Variants in TNFRSF25 observed in about 807,000 individuals in gnomAD.
TNFRSF25 encodes the protein tumor necrosis factor receptor superfamily member 25.
A neutral mutation model predicts 49.4 loss-of-function variants in TNFRSF25; 28 were observed. The observed-to-expected ratio is 0.57, with a 90% CI of 0.42 to 0.78. The LOEUF (loss-of-function observed/expected upper bound fraction) is 0.78, where lower values mean the gene tolerates loss of function less well. Among genes scored for constraint, TNFRSF25 ranks in the 30% least tolerant of loss-of-function variants. The pLI, the probability that TNFRSF25 is intolerant of heterozygous loss-of-function variation, is 0.00. For missense variants in TNFRSF25, 531 were observed against 581.6 expected (o/e 0.91, Z 0.90); for synonymous variants, 240 against 234.2 (o/e 1.02, Z -0.23).
chr1:6,464,438 G>T lies in TNFRSF25; in HGVS notation c.479C>A (p.Thr160Asn). The change falls in exon 5 of 10, where the codon ACT becomes AAT. Residue 160 changes from threonine to asparagine, a missense_variant. By Grantham distance (65) the Thr-to-Asn change is moderately conservative. Coordinates refer to ENST00000356876, the MANE Select transcript of TNFRSF25 (RefSeq NM_003790.3). Reference sequence around the variant, plus strand: ...GCCAGGCAGGCAGGTCCCACAGTCAGTATCTCTGCGGGAACCTGCAATCCA... The same window carrying T: ...GCCAGGCAGGCAGGTCCCACAGTCATTATCTCTGCGGGAACCTGCAATCCA... The part of the protein sequence containing the change: ...HTRLLCSRRD[T>N]DCGTCLPGFY... The T allele has an allele frequency of 6.2e-7, 1 of 1,611,644 alleles. No homozygotes were observed. The highest frequency in any genetic ancestry group is 8.5e-7 in the Non-Finnish European group (1 of 1,179,038).
At chr1:6,464,280 C>T in intron 5 of TNFRSF25, 95 bp downstream of exon 5, 2 of 1,540,650 alleles carry the variant, frequency 1.3e-6, no homozygotes, top group Non-Finnish European at 1.8e-6. Context: ...CCTATCCCCT[C>T]TTCCTATTCC....
Position 6,462,233 on chromosome 1 carries a change from C to CA in TNFRSF25, c.745-60dup, listed in dbSNP as rs981933218. The CA allele has an allele frequency of 9.1e-6, 14 of 1,539,340 alleles. No individual in the cohort carries two copies. The highest frequency in any genetic ancestry group is 1.2e-5 in the Non-Finnish European group (14 of 1,143,720). The stretch of plus-strand genomic sequence containing the variant: ...CTTGCCAAGTAAGGCCCCTTACCCG[C>CA]AGTGCCTCTCCAGGAGGGGACAGTC... On this transcript the variant is annotated intron_variant, in intron 8 of 9. Transcript: ENST00000356876. The surrounding 1 kb of genome is among the most constrained non-coding windows in gnomAD (Gnocchi z 4.2).
In TNFRSF25 at chr1:6,466,138, GGCTCCGT is replaced by G; in HGVS notation, c.-38_-32del. On this transcript the variant is annotated 5_prime_UTR_variant, in exon 1 of 10. Transcript: ENST00000356876. ...TCCGACGGGCGCCCAGGGGCTTCCCGGCTCCGTGCTCTCTGCCCGTCGTGGTTCCGCC... is the reference window on the plus strand; with the variant it reads ...TCCGACGGGCGCCCAGGGGCTTCCCGGCTCTCTGCCCGTCGTGGTTCCGCC... 4.8e-6 allele frequency: 7 copies of G among 1,464,108 alleles called. No individual in the cohort carries two copies. Among genetic ancestry groups the G allele is most frequent in the Non-Finnish European group, 4.5e-6 (5 of 1,115,592 alleles). 90.7% of individuals were successfully genotyped at this position (1,464,108 alleles called of 1,614,324 possible). A position where few individuals can be genotyped will look rare whatever the true frequency, so the allele number is the denominator to read the frequency against.
rs373095897 is a variant in TNFRSF25, at chr1:6,462,630, G to T, written c.743C>A (p.Pro248Gln). The change falls in exon 8 of 10, where the codon CCG (proline) becomes CAG (glutamine). Residue 248 changes from proline to glutamine, a missense_variant and splice_region_variant. Coordinates refer to ENST00000356876, the MANE Select transcript of TNFRSF25 (RefSeq NM_003790.3). The surrounding 1 kb of genome is among the most constrained non-coding windows in gnomAD (Gnocchi z 4.2). ...AGAATCACACAGTGAGGTTCTTACCGGTGGTGGGGTCAGAGCCTCCATCCC... is the reference window on the plus strand; with the variant it reads ...AGAATCACACAGTGAGGTTCTTACCTGTGGTGGGGTCAGAGCCTCCATCCC... ...EAGMEALTPP[P>Q]ATHLSPLDSA... The T allele has an allele frequency of 1.3e-4, 208 of 1,613,196 alleles. No individual in the cohort carries two copies. The highest frequency in any genetic ancestry group is 1.7e-4 in the Non-Finnish European group (204 of 1,179,608).
In TNFRSF25 at chr1:6,461,828, C is replaced by T. The variant is rs889215486; in HGVS notation, c.926-66G>A. The T allele has an allele frequency of 2.3e-5, 33 of 1,458,296 alleles. No individual in the cohort carries two copies. The highest frequency in any genetic ancestry group is 2.9e-5 in the Non-Finnish European group (32 of 1,106,580). The allele number at this position is 1,458,296 out of a possible 1,614,324, so 90.3% of individuals were successfully genotyped here. ...CGCGGTCGGGAGGCAGAGTCAGGGG[C>T]GTTCGTGCGGGTACCCCAGGGCTGA... On this transcript the variant is annotated intron_variant, in intron 9 of 9. Transcript: ENST00000356876. This position sits in a 1 kb window ranked among gnomAD's most constrained non-coding sequence, Gnocchi z 6.3.
rs1644211051 is a variant in TNFRSF25 at position 6,462,639 on chromosome 1, G to C, written c.734C>G (p.Thr245Ser). ...CAGTGAGGTTCTTACCGGTGGTGGG[G>C]TCAGAGCCTCCATCCCAGCTTCATC... The part of the protein sequence containing the change: ...TADEAGMEAL[T>S]PPPATHLSPL... Residue 245 changes from threonine (T) to serine (S), a missense_variant, in exon 8 of 10, where the codon ACC becomes AGC. Physicochemically the swap from Thr to Ser is moderately conservative, Grantham distance 58. Transcript: ENST00000356876. The surrounding 1 kb of genome is among the most constrained non-coding windows in gnomAD (Gnocchi z 4.2). 1 of 1,613,492 alleles carries C rather than the reference G, an allele frequency of 6.2e-7. No individual in the cohort carries two copies.
At position 6,461,945 on chromosome 1, in the gene TNFRSF25, CG is replaced by C. The variant is rs1557725026; in HGVS notation, c.925+48del. 1 of 1,552,906 alleles carries C rather than the reference CG, an allele frequency of 6.4e-7. No individual in the cohort carries two copies. Among genetic ancestry groups the C allele is most frequent in the East Asian group, 2.3e-5 (1 of 44,356 alleles). ...ACGTTGTGAAACCACAACTTCCCAC[CG>C]CAGACAGGAGAATGGGGTCAAGGCC... is the stretch of plus-strand genomic sequence containing the variant. On this transcript the variant is annotated intron_variant, in intron 9 of 9. Coordinates refer to ENST00000356876, the MANE Select transcript of TNFRSF25 (RefSeq NM_003790.3). The surrounding 1 kb of genome is among the most constrained non-coding windows in gnomAD (Gnocchi z 6.3).
Position 6,461,834 on chromosome 1 carries a change from T to C in TNFRSF25, c.926-72A>G. ...CGGGAGGCAGAGTCAGGGGCGTTCG[T>C]GCGGGTACCCCAGGGCTGAAGCCCG... On this transcript the variant is annotated intron_variant, in intron 9 of 9. Transcript: ENST00000356876. The surrounding 1 kb of genome is among the most constrained non-coding windows in gnomAD (Gnocchi z 6.3). The C allele has an allele frequency of 6.9e-7, 1 of 1,457,506 alleles. No homozygotes were observed. The highest frequency in any genetic ancestry group is 9.0e-7 in the Non-Finnish European group (1 of 1,106,174). The allele number at this position is 1,457,506 out of a possible 1,614,324, so 90.3% of individuals were successfully genotyped here.
intron 2 of TNFRSF25, 95 bp from the exon 3 acceptor site, chr1:6,465,317 C>T (rs1644316553): frequency 6.4e-7 from 1 of 1,574,580 alleles, no homozygotes. Flanking sequence ...TTCTCTCCAG[C>T]TCCCTACTTC....
chr1:6,465,840 G>A, intron 1 of TNFRSF25: 1 of 1,425,174 alleles, frequency 7.0e-7, no homozygotes. Flanking sequence ...CTTTCTGTTG[G>A]GGGAGGGACA....
rs756501957 is a variant in TNFRSF25, at chr1:6,466,056, C to A, written c.39+13G>T. ...GCTCAAAGCTGCCCCTAGCCTCCTGCGTCTCAACTCACCGCCGCCACCGCC... is the reference window on the plus strand; with the variant it reads ...GCTCAAAGCTGCCCCTAGCCTCCTGAGTCTCAACTCACCGCCGCCACCGCC... On this transcript the variant is annotated intron_variant, in intron 1 of 9. Coordinates refer to ENST00000356876, the MANE Select transcript of TNFRSF25 (RefSeq NM_003790.3). 4 of 1,580,460 alleles carry A rather than the reference C, an allele frequency of 2.5e-6. No homozygotes were observed. The highest frequency in any genetic ancestry group is 2.3e-5 in the South Asian group (2 of 87,666).
In TNFRSF25 at chr1:6,461,438, G is replaced by C; in HGVS notation, c.1250C>G (p.Pro417Arg). The stretch of plus-strand genomic sequence containing the variant: ...AGGTGGCAAGTGGGCGCCGTGTCAC[G>C]GGCCGCGCTGCAGGCGGCTGCGCAA... ...EDLRSRLQRGP is the reference protein window; with the variant it reads ...EDLRSRLQRGR The change falls in exon 10 of 10, where the codon CCG (proline) becomes CGG (arginine). Residue 417 changes from proline (P) to arginine (R), a missense_variant. By Grantham distance (103) the Pro-to-Arg change is moderately radical. Coordinates refer to ENST00000356876, the MANE Select transcript of TNFRSF25 (RefSeq NM_003790.3). The surrounding 1 kb of genome is among the most constrained non-coding windows in gnomAD (Gnocchi z 6.3). The C allele has an allele frequency of 6.6e-7, 1 of 1,508,810 alleles. No homozygotes were observed. The highest frequency in any genetic ancestry group is 8.8e-7 in the Non-Finnish European group (1 of 1,130,082). 93.5% of individuals were successfully genotyped at this position (1,508,810 alleles called of 1,614,324 possible).
chr1:6,460,971 C>G lies in TNFRSF25; in HGVS notation c.*463G>C, dbSNP rs1022477251. 5 of 375,558 alleles carry G rather than the reference C, an allele frequency of 1.3e-5. No individual in the cohort carries two copies. Among genetic ancestry groups the G allele is most frequent in the Non-Finnish European group, 2.2e-5 (4 of 184,124 alleles). The allele number at this position is 375,558 out of a possible 1,614,324, so 23.3% of individuals were successfully genotyped here. A position where few individuals can be genotyped will look rare whatever the true frequency, so the allele number is the denominator to read the frequency against. On this transcript the variant is annotated 3_prime_UTR_variant, in exon 10 of 10. Coordinates refer to ENST00000356876, the MANE Select transcript of TNFRSF25 (RefSeq NM_003790.3). ...TCGCTGTGGCCGCGACTTGCTCTCT[C>G]CTTCTCGGGGTAATTGAGCCAGAGT...
In TNFRSF25 at chr1:6,461,428, G is replaced by T. The variant is rs1363043828; in HGVS notation, c.*6C>A. The T allele has an allele frequency of 6.7e-6, 10 of 1,494,034 alleles. No homozygotes were observed. The Admixed American group carries it at 2.3e-4, about 35-fold the overall frequency. 92.5% of individuals were successfully genotyped at this position (1,494,034 alleles called of 1,614,324 possible). ...CAGAGCGCCTAGGTGGCAAGTGGGC[G>T]CCGTGTCACGGGCCGCGCTGCAGGC... On this transcript the variant is annotated 3_prime_UTR_variant, in exon 10 of 10. Transcript: ENST00000356876. This position sits in a 1 kb window ranked among gnomAD's most constrained non-coding sequence, Gnocchi z 6.3.
intron 3 of TNFRSF25, 30 bp from the exon 4 acceptor site, chr1:6,464,749 G>A (rs1266511280): frequency 3.7e-6 from 6 of 1,607,222 alleles, no homozygotes; most frequent in African/African-American, 2.7e-5. Context: ...ATGGGGAGTG[G>A]AGAGTTAGTC....
In TNFRSF25 at chr1:6,464,471, C is replaced by T. The variant is rs779630117; in HGVS notation, c.464-18G>A. The T allele has an allele frequency of 6.2e-7, 1 of 1,611,252 alleles. No homozygotes were observed. Reference sequence around the variant, plus strand: ...GCGGGAACCTGCAATCCAGGAGAGGCATGCGTCACCATGGGACAGGAGTGG... The same window carrying T: ...GCGGGAACCTGCAATCCAGGAGAGGTATGCGTCACCATGGGACAGGAGTGG... On this transcript the variant is annotated intron_variant, in intron 4 of 9. Transcript: ENST00000356876.
In TNFRSF25 at chr1:6,464,737, A is replaced by G. The variant is rs1644290134; in HGVS notation, c.296-18T>C. 6.2e-7 allele frequency: 1 copy of G among 1,610,016 alleles called. No homozygotes were observed. On this transcript the variant is annotated intron_variant, in intron 3 of 9. Transcript: ENST00000356876. Reference sequence around the variant, plus strand: ...CTGGGAGGCTGGTGGGGGTGCAGGGAGATGGGGAGTGGAGAGTTAGTCAGG... The same window carrying G: ...CTGGGAGGCTGGTGGGGGTGCAGGGGGATGGGGAGTGGAGAGTTAGTCAGG...
In TNFRSF25 at chr1:6,464,684, C is replaced by A; in HGVS notation, c.331G>T (p.Ala111Ser). 6.2e-7 allele frequency: 1 copy of A among 1,613,954 alleles called. No individual in the cohort carries two copies. Residue 111 changes from alanine (A) to serine (S), a missense_variant, in exon 4 of 10, where the codon GCC becomes TCC. Transcript: ENST00000356876. ...QVALENCSAV[A>S]DTRCGCKPGW... Reference sequence around the variant, plus strand: ...GGCTTACAGCCACAGCGGGTGTCGGCCACTGCTGAACAGTTCTCCAGCGCC... The same window carrying A: ...GGCTTACAGCCACAGCGGGTGTCGGACACTGCTGAACAGTTCTCCAGCGCC...
chr1:6,461,305 G>T lies in TNFRSF25; in HGVS notation c.*129C>A. The T allele has an allele frequency of 8.2e-7, 1 of 1,219,604 alleles. No homozygotes were observed. The highest frequency in any genetic ancestry group is 1.2e-6 in the Non-Finnish European group (1 of 849,694). 75.5% of individuals were successfully genotyped at this position (1,219,604 alleles called of 1,614,324 possible). A position where few individuals can be genotyped will look rare whatever the true frequency, so the allele number is the denominator to read the frequency against. The stretch of plus-strand genomic sequence containing the variant: ...ATAGGGGCGAGCAGGGGTGGGGCCG[G>T]CTGGTGCTGCTACGCAGGGCCGTGC... On this transcript the variant is annotated 3_prime_UTR_variant, in exon 10 of 10. Transcript: ENST00000356876. This position sits in a 1 kb window ranked among gnomAD's most constrained non-coding sequence, Gnocchi z 6.3.
Sources: allele counts gnomAD v4.1 joint callset, GRCh38; gene constraint gnomAD v4.1.1; non-coding constraint Gnocchi (gnomAD v3.1); transcripts MANE v1.5; gene names NCBI Gene and HGNC (gene_info 2026-07-23, HGNC 2026-07-21).